VAV3: variants seen among roughly 807,000 people sequenced by gnomAD.
The protein encoded by VAV3 is guanine nucleotide exchange factor VAV3.
A neutral mutation model predicts 131.2 loss-of-function variants in VAV3; 94 were observed. The ratio of observed to expected loss-of-function variants is 0.72; its 90% CI spans 0.61 to 0.85. VAV3 has a LOEUF of 0.85. VAV3 is among the 40% of genes least tolerant of loss of function. VAV3 has a pLI of 0.00. For synonymous variants in VAV3, 349 were observed against 342.0 expected (o/e 1.02, Z -0.22); for missense variants, 939 against 1,002.7 (o/e 0.94, Z 0.86).
At chr1:107,644,144 T>C (rs1038555995) in intron 19 of VAV3, among the ~76,000 whole-genome samples, 1 of 152,190 alleles carries the variant, frequency 6.6e-6, no homozygotes, top group Non-Finnish European at 1.5e-5. Flanking sequence ...CTCAGTTAAA[T>C]GTTTAACAGA....
At chr1:107,672,093 CA>C (rs1477276744) in intron 19 of VAV3, 1 of 151,838 alleles carries the variant, frequency 6.6e-6, no homozygotes, top group Non-Finnish European at 1.5e-5. Flanking sequence ...CATGGTGAAA[CA>C]CTGCCTCTAC....
chr1:107,643,265 C>T (rs535679663), intron 19 of VAV3, among the ~76,000 whole-genome samples: 2 of 152,270 alleles, frequency 1.3e-5, no homozygotes, highest in African/African-American at 4.8e-5. Flanking sequence ...CACTGCAATA[C>T]TTAAGACATT....
chr1:107,582,267 T>A (rs561729217), intron 25 of VAV3, among the ~76,000 whole-genome samples: 2 of 152,154 alleles, frequency 1.3e-5, no homozygotes, highest in Non-Finnish European at 2.9e-5. Flanking sequence ...AAATTTGTGA[T>A]CCTTACCCTG....
At chr1:107,964,056 A>G (rs1675284807) in intron 1 of VAV3, among the ~76,000 whole-genome samples, 1 of 152,194 alleles carries the variant, frequency 6.6e-6, no homozygotes. Context: ...TCCTTCTCAC[A>G]TGGCTTAGGA....
intron 15 of VAV3, among the ~76,000 whole-genome samples, chr1:107,729,490 C>G (rs1193875355): frequency 1.3e-5 from 2 of 152,078 alleles, no homozygotes; most frequent in Admixed American, 6.6e-5. Context: ...TTATTCCTTA[C>G]CAGCAATTTG....
At chr1:107,763,239 G>A (rs1376506146) in intron 9 of VAV3, among the ~76,000 whole-genome samples, 1 of 152,114 alleles carries the variant, frequency 6.6e-6, no homozygotes, top group Non-Finnish European at 1.5e-5. Context: ...GACAGCAGGG[G>A]CACCTCACCC....
rs200778284 is a variant in VAV3, at chr1:107,574,167, G to A, written c.2382C>T (p.Ile794=). The change falls in exon 26 of 27, where the codon ATC becomes ATT. Residue 794 remains isoleucine (I), a synonymous_variant. Transcript: ENST00000370056. ...LLSPKVLGIA[I]ARYDFCARDM... Reference sequence around the variant, plus strand: ...CTCTTGCACAGAAGTCATACCGAGCGATGGCAATGCCCAGCACTTTTGGAC... The same window carrying A: ...CTCTTGCACAGAAGTCATACCGAGCAATGGCAATGCCCAGCACTTTTGGAC... 785 of 1,613,840 alleles carry A rather than the reference G, an allele frequency of 4.9e-4. No individual in the cohort carries two copies. The highest frequency in any genetic ancestry group is 6.1e-4 in the Non-Finnish European group (722 of 1,179,938).
At chr1:107,961,277 G>A (rs1675069769) in intron 1 of VAV3, among the ~76,000 whole-genome samples, 2 of 151,958 alleles carry the variant, frequency 1.3e-5, no homozygotes, top group African/African-American at 4.8e-5. Flanking sequence ...TAGATCTAGG[G>A]GTGGTTATAG....
intron 24 of VAV3, among the ~76,000 whole-genome samples, chr1:107,600,656 A>G (rs1348062217): frequency 1.3e-5 from 2 of 152,034 alleles, no homozygotes; most frequent in African/African-American, 4.8e-5. Flanking sequence ...CTGGGTCTCT[A>G]TTGCTTTCAC....
At chr1:107,905,774 GA>G (rs1473384978) in intron 1 of VAV3, among the ~76,000 whole-genome samples, 2 of 151,942 alleles carry the variant, frequency 1.3e-5, no homozygotes, top group Admixed American at 1.3e-4. Flanking sequence ...CTAAGACATA[GA>G]ATATTTTATC....
At chr1:107,681,573 C>T (rs1316381593) in intron 19 of VAV3, among the ~76,000 whole-genome samples, 1 of 151,796 alleles carries the variant, frequency 6.6e-6, no homozygotes, top group African/African-American at 2.4e-5. Flanking sequence ...GCAAGATCAT[C>T]AAGTGTTTGG....
At chr1:107,901,602 T>A (rs1671858304) in intron 1 of VAV3, among the ~76,000 whole-genome samples, 1 of 152,174 alleles carries the variant, frequency 6.6e-6, no homozygotes, top group South Asian at 2.1e-4. Flanking sequence ...GGCACACACA[T>A]CCCATTAGTA....
chr1:107,849,537 T>C (rs1418131787), intron 2 of VAV3, among the ~76,000 whole-genome samples: 1 of 152,108 alleles, frequency 6.6e-6, no homozygotes, highest in African/African-American at 2.4e-5. Flanking sequence ...TGCAGAACAC[T>C]GAAACTGGAC....
chr1:107,825,819 G>C (rs1255284658), intron 2 of VAV3, among the ~76,000 whole-genome samples: 1 of 152,072 alleles, frequency 6.6e-6, no homozygotes, highest in Non-Finnish European at 1.5e-5. Flanking sequence ...CTCACTTTTG[G>C]ATTTATCTGG....
rs1657632266 is a variant in VAV3, at chr1:107,669,500, CA to C, written c.1777+13987del. The C allele has an allele frequency of 8.6e-6, 11 of 1,277,206 alleles. No individual in the cohort carries two copies. The South Asian group carries it at 1.0e-4, about 12-fold the overall frequency. 79.1% of individuals were successfully genotyped at this position (1,277,206 alleles called of 1,614,324 possible). A position where few individuals can be genotyped will look rare whatever the true frequency, so the allele number is the denominator to read the frequency against. On this transcript the variant is annotated intron_variant, in intron 19 of 26. Coordinates refer to ENST00000370056, the MANE Select transcript of VAV3 (RefSeq NM_006113.5). ...AATAAAGACAAGAAAGAAATAAACA[CA>C]TTTTCAAGAATGCCTGAAAATTTCA...
At chr1:107,583,392 T>G (rs1410870524) in intron 25 of VAV3, among the ~76,000 whole-genome samples, 1 of 152,136 alleles carries the variant, frequency 6.6e-6, no homozygotes, top group African/African-American at 2.4e-5. Context: ...CAACATAGTG[T>G]TGGAAGTTCT....
intron 15 of VAV3, among the ~76,000 whole-genome samples, chr1:107,740,852 G>C (rs1225823446): frequency 6.6e-6 from 1 of 152,202 alleles, no homozygotes; most frequent in Non-Finnish European, 1.5e-5. Flanking sequence ...TGACAGAATT[G>C]AGTAGCTCTG....
intron 20 of VAV3, among the ~76,000 whole-genome samples, chr1:107,637,317 T>C (rs934737361): frequency 2.6e-5 from 4 of 152,052 alleles, no homozygotes; most frequent in Admixed American, 2.0e-4. Context: ...GTTTGTTTTA[T>C]AATTTTTTTT....
chr1:107,694,242 CAA>C (rs745413046), intron 17 of VAV3, among the ~76,000 whole-genome samples: 9 of 152,196 alleles, frequency 5.9e-5, no homozygotes, highest in Non-Finnish European at 1.3e-4. Context: ...TAATGATTGG[CAA>C]AGAGTTTGGA....
Sources: allele counts gnomAD v4.1 joint callset (sites outside exome capture counted in the v4.1 genomes callset), GRCh38; gene constraint gnomAD v4.1.1; transcripts MANE v1.5; gene names NCBI Gene and HGNC (gene_info 2026-07-23, HGNC 2026-07-21).